CCDC85C: variants seen among roughly 807,000 people sequenced by gnomAD.
CCDC85C encodes the protein coiled-coil domain-containing protein 85C.
CCDC85C carries 18 observed loss-of-function variants against 38.3 expected under a neutral mutation model. That is an observed-to-expected ratio of 0.47 (90% confidence interval 0.33 to 0.70). CCDC85C has a LOEUF of 0.70. Ranked by LOEUF, CCDC85C falls within the 30% of genes least tolerant of loss-of-function variation. CCDC85C has a pLI of 0.03. For missense variants in CCDC85C, 566 were observed against 621.2 expected, an observed-to-expected ratio of 0.91 and a Z score of 0.94; for synonymous variants, 264 against 293.8, an observed-to-expected ratio of 0.90 and a Z score of 1.04.
chr14:99,552,026 C>A (rs1357494232), intron 1 of CCDC85C, among the ~76,000 whole-genome samples: 2 of 152,184 alleles, frequency 1.3e-5, no homozygotes, highest in Admixed American at 1.3e-4. Flanking sequence ...AGGAGGATGG[C>A]CTTGGTCCCA....
In CCDC85C at chr14:99,548,713, C is replaced by T. The variant is rs181968490; in HGVS notation, c.794-12625G>A. Among the ~76,000 whole-genome samples the T allele has an allele frequency of 1.3e-5, 2 of 152,198 alleles. No homozygotes were observed. Among genetic ancestry groups the T allele is most frequent in the Admixed American group, 6.5e-5 (1 of 15,284 alleles). Reference sequence around the variant, plus strand: ...GCACACTCCTATAGTCCCAGGTACTCGGGAGACCGAGGCGGGAGGCGTGCT... The same window carrying T: ...GCACACTCCTATAGTCCCAGGTACTTGGGAGACCGAGGCGGGAGGCGTGCT... On this transcript the variant is annotated intron_variant, in intron 1 of 5. Transcript: ENST00000380243. This position sits in a 1 kb window ranked among gnomAD's most constrained non-coding sequence, Gnocchi z 4.9.
chr14:99,501,585 A>G lies in CCDC85C; in HGVS notation c.*13661T>C. ...ACGTCCAGGTCATCTGCTTCCCGGC[A>G]GAGGGTTTCCTTCTGCCCTGCCGTG... is the stretch of plus-strand genomic sequence containing the variant. On this transcript the variant is annotated 3_prime_UTR_variant, in exon 6 of 6. Coordinates refer to ENST00000380243, the MANE Select transcript of CCDC85C (RefSeq NM_001144995.2). The G allele has an allele frequency of 5.1e-6, 3 of 585,380 alleles. No homozygotes were observed. The highest frequency in any genetic ancestry group is 9.0e-6 in the Non-Finnish European group (3 of 332,944). The allele number at this position is 585,380 out of a possible 1,614,324, so 36.3% of individuals were successfully genotyped here. A position where few individuals can be genotyped will look rare whatever the true frequency, so the allele number is the denominator to read the frequency against.
At chr14:99,598,507 G>C (rs2055166837) in intron 1 of CCDC85C, among the ~76,000 whole-genome samples, 1 of 152,190 alleles carries the variant, frequency 6.6e-6, no homozygotes, top group Non-Finnish European at 1.5e-5. Context: ...AGCCATCGTA[G>C]GGAAGGTGGC....
At chr14:99,571,728 A>T (rs1898348774) in intron 1 of CCDC85C, among the ~76,000 whole-genome samples, 1 of 152,236 alleles carries the variant, frequency 6.6e-6, no homozygotes, top group South Asian at 2.1e-4. Flanking sequence ...TCACATGCAC[A>T]GGGTAATTTG....
intron 1 of CCDC85C, among the ~76,000 whole-genome samples, chr14:99,563,022 C>T (rs945301055): frequency 1.3e-5 from 2 of 152,188 alleles, no homozygotes; most frequent in African/African-American, 2.4e-5. Context: ...ACTCTCGAGC[C>T]GTCTATAATG....
rs1897539869 is a variant in CCDC85C, at chr14:99,533,844, G to A, written c.867+2171C>T. 6.6e-6 allele frequency among the ~76,000 whole-genome samples: 1 copy of A among 152,176 alleles called. No homozygotes were observed. The highest frequency in any genetic ancestry group is 6.5e-5 in the Admixed American group (1 of 15,274). ...TGGTGGAGGGCCCCCTGTGAGACCG[G>A]GGGGCACCCCAGGAAGGAAGGCAGG... is the stretch of plus-strand genomic sequence containing the variant. On this transcript the variant is annotated intron_variant, in intron 2 of 5. Coordinates refer to ENST00000380243, the MANE Select transcript of CCDC85C (RefSeq NM_001144995.2). The surrounding 1 kb of genome is among the most constrained non-coding windows in gnomAD (Gnocchi z 4.2).
At chr14:99,523,677 A>G (rs1897332457) in intron 2 of CCDC85C, among the ~76,000 whole-genome samples, 2 of 152,218 alleles carry the variant, frequency 1.3e-5, no homozygotes, top group South Asian at 4.1e-4. Context: ...GTCCAAGGTC[A>G]GGGAGGGACA....
intron 1 of CCDC85C, among the ~76,000 whole-genome samples, chr14:99,580,357 T>C (rs1330834800): frequency 6.7e-6 from 1 of 149,432 alleles, no homozygotes; most frequent in Non-Finnish European, 1.5e-5. Context: ...AGAGTCACCG[T>C]GAGTGCAGTG....
In CCDC85C at chr14:99,501,964, A is replaced by C. The variant is rs146835710; in HGVS notation, c.*13282T>G. ...ATAAGTCATTTTCATTGGTGTAGCA[A>C]TTTTTGGATGTGCTAGAATTCTTCT... On this transcript the variant is annotated 3_prime_UTR_variant, in exon 6 of 6. Transcript: ENST00000380243. 89 of 364,004 alleles carry C rather than the reference A, an allele frequency of 2.4e-4. No individual in the cohort carries two copies. Among genetic ancestry groups the C allele is most frequent in the African/African-American group, 1.8e-3 (83 of 47,058 alleles). 22.5% of individuals were successfully genotyped at this position (364,004 alleles called of 1,614,324 possible).
chr14:99,571,662 G>A (rs1046783914), intron 1 of CCDC85C, among the ~76,000 whole-genome samples: 22 of 152,354 alleles, frequency 1.4e-4, no homozygotes, highest in Non-Finnish European at 2.5e-4. Flanking sequence ...ACTGTTTGCA[G>A]TAAGATTTAC....
rs114747301 is a variant in CCDC85C, at chr14:99,594,853, C to G, written c.793+8314G>C. Among the ~76,000 whole-genome samples the G allele has an allele frequency of 2.7e-3, 418 of 152,296 alleles. 1 individual carries two copies. The highest frequency in any genetic ancestry group is 9.8e-3 in the African/African-American group (408 of 41,548). Reference sequence around the variant, plus strand: ...AGAACACTAGTAATCTTCCAAGACCCCCAGGCAGGGAGCATGTCAGCTGAC... The same window carrying G: ...AGAACACTAGTAATCTTCCAAGACCGCCAGGCAGGGAGCATGTCAGCTGAC... On this transcript the variant is annotated intron_variant, in intron 1 of 5. Coordinates refer to ENST00000380243, the MANE Select transcript of CCDC85C (RefSeq NM_001144995.2).
Position 99,502,373 on chromosome 14 carries a change from G to A in CCDC85C, c.*12873C>T. The A allele has an allele frequency of 6.2e-7, 1 of 1,613,536 alleles. No individual in the cohort carries two copies. The highest frequency in any genetic ancestry group is 8.5e-7 in the Non-Finnish European group (1 of 1,179,716). On this transcript the variant is annotated 3_prime_UTR_variant, in exon 6 of 6. Coordinates refer to ENST00000380243, the MANE Select transcript of CCDC85C (RefSeq NM_001144995.2). Reference sequence around the variant, plus strand: ...TCAAGATGTCCCGGTCGACGTTTTGGAAGGTACCAGGCATGCTAAGCGTTC... The same window carrying A: ...TCAAGATGTCCCGGTCGACGTTTTGAAAGGTACCAGGCATGCTAAGCGTTC...
Position 99,563,980 on chromosome 14 carries a change from G to A in CCDC85C, c.794-27892C>T, listed in dbSNP as rs79458623. ...CGCTTCAAGTAAGCAGCCTGGGCAC[G>A]GACCATCTGCAAGTGTATAAGCAGC... On this transcript the variant is annotated intron_variant, in intron 1 of 5. Transcript: ENST00000380243. Among the ~76,000 whole-genome samples the A allele has an allele frequency of 6.4e-3, 976 of 152,296 alleles. 4 individuals are homozygous for A. Among genetic ancestry groups the A allele is most frequent in the Middle Eastern group, 0.014 (4 of 294 alleles).
In CCDC85C at chr14:99,517,255, G is replaced by A. The variant is rs1897241727; in HGVS notation, c.976-72C>T. On this transcript the variant is annotated intron_variant, in intron 3 of 5. Coordinates refer to ENST00000380243, the MANE Select transcript of CCDC85C (RefSeq NM_001144995.2). ...CAGGAATGACCGGTGGCTCAGACAA[G>A]GCCCCCATTCTGAGGGGCCAGGGCC... 4.0e-6 allele frequency: 5 copies of A among 1,242,302 alleles called. No individual in the cohort carries two copies. In the African/African-American group the frequency reaches 6.0e-5, roughly 15 times the overall value. 77.0% of individuals were successfully genotyped at this position (1,242,302 alleles called of 1,614,324 possible).
intron 2 of CCDC85C, among the ~76,000 whole-genome samples, chr14:99,527,347 G>A (rs900505559): frequency 1.3e-5 from 2 of 152,196 alleles, no homozygotes; most frequent in African/African-American, 2.4e-5. Context: ...AGGACAACTC[G>A]CAGTGTCTAC....
At position 99,533,935 on chromosome 14, in the gene CCDC85C, G is replaced by A. The variant is rs946340052; in HGVS notation, c.867+2080C>T. Among the ~76,000 whole-genome samples, 1 of 152,258 alleles carries A rather than the reference G, an allele frequency of 6.6e-6. No homozygotes were observed. Among genetic ancestry groups the A allele is most frequent in the African/African-American group, 2.4e-5 (1 of 41,470 alleles). ...TTCTGCAAGTCCGTGGTCAGGAACTGGGGTGTATTTTTCCAGTGGGACACT... is the reference window on the plus strand; with the variant it reads ...TTCTGCAAGTCCGTGGTCAGGAACTAGGGTGTATTTTTCCAGTGGGACACT... On this transcript the variant is annotated intron_variant, in intron 2 of 5. Transcript: ENST00000380243. The surrounding 1 kb of genome is among the most constrained non-coding windows in gnomAD (Gnocchi z 4.2).
rs1897951775 is a variant in CCDC85C, at chr14:99,553,448, T to G, written c.794-17360A>C. Among the ~76,000 whole-genome samples, 2 of 152,038 alleles carry G rather than the reference T, an allele frequency of 1.3e-5. 1 individual carries two copies. The highest frequency in any genetic ancestry group is 4.8e-5 in the African/African-American group (2 of 41,402). On this transcript the variant is annotated intron_variant, in intron 1 of 5. Transcript: ENST00000380243. The stretch of plus-strand genomic sequence containing the variant: ...GGTGCGATCTCAGCTCACTGCAACC[T>G]CCGCCTCCTGGGTTCAAGCGATTCT...
chr14:99,583,808 A>T (rs1207902971), intron 1 of CCDC85C, among the ~76,000 whole-genome samples: 2 of 85,836 alleles, frequency 2.3e-5, no homozygotes, highest in Non-Finnish European at 4.2e-5. Flanking sequence ...GCTCTGTCTT[A>T]AAAAAAAAAA....
chr14:99,503,121 C>A lies in CCDC85C; in HGVS notation c.*12125G>T. On this transcript the variant is annotated 3_prime_UTR_variant, in exon 6 of 6. Transcript: ENST00000380243. The stretch of plus-strand genomic sequence containing the variant: ...TTCGCCGAAACTCGCAGTCCGACTG[C>A]TTGTCGGTGGGGAGCCTGAAAACAA... 2 of 1,001,430 alleles carry A rather than the reference C, an allele frequency of 2.0e-6. No individual in the cohort carries two copies. The highest frequency in any genetic ancestry group is 3.1e-6 in the Non-Finnish European group (2 of 638,140). The allele number at this position is 1,001,430 out of a possible 1,614,324, so 62.0% of individuals were successfully genotyped here.
Sources: allele counts gnomAD v4.1 joint callset (sites outside exome capture counted in the v4.1 genomes callset), GRCh38; gene constraint gnomAD v4.1.1; non-coding constraint Gnocchi (gnomAD v3.1); transcripts MANE v1.5; gene names NCBI Gene and HGNC (gene_info 2026-07-23, HGNC 2026-07-21).